Variants in TMEM248 observed in about 807,000 individuals in gnomAD.
TMEM248 encodes transmembrane protein 248, also known as UPF0458 protein C7orf42.
TMEM248 carries 9 observed loss-of-function variants against 30.3 expected under a neutral mutation model. The ratio of observed to expected loss-of-function variants is 0.30; its 90% CI spans 0.18 to 0.52. TMEM248 has a LOEUF of 0.52. Ranked by LOEUF, TMEM248 falls within the 20% of genes least tolerant of loss-of-function variation. The pLI is 0.97. For synonymous variants in TMEM248, 184 were observed against 154.4 expected (o/e 1.19, Z -1.42); for missense variants, 338 against 403.3 (o/e 0.84, Z 1.39).
At chr7:66,939,503 CTAAAATT>C (rs1791891388) in intron 1 of TMEM248, among the ~76,000 whole-genome samples, 1 of 152,162 alleles carries the variant, frequency 6.6e-6, no homozygotes, top group Non-Finnish European at 1.5e-5. Context: ...CTTTTTGTCT[CTAAAATT>C]TAAACGCTGA....
chr7:66,925,349 A>G (rs1358541343), intron 1 of TMEM248, among the ~76,000 whole-genome samples: 1 of 152,172 alleles, frequency 6.6e-6, no homozygotes, highest in Admixed American at 6.5e-5. Flanking sequence ...CACACTGTGC[A>G]ATATAACTCA....
intron 2 of TMEM248, among the ~76,000 whole-genome samples, chr7:66,944,085 G>A (rs1256088236): frequency 6.8e-6 from 1 of 147,730 alleles, no homozygotes; most frequent in Admixed American, 6.8e-5. Flanking sequence ...GTGAACTACC[G>A]TACCTGGCCT....
chr7:66,945,976 C>T (rs543321035), intron 3 of TMEM248, among the ~76,000 whole-genome samples: 2 of 151,794 alleles, frequency 1.3e-5, no homozygotes, highest in South Asian at 4.2e-4. Context: ...CCCAGCTACT[C>T]GGGTGGCTGA....
Position 66,948,620 on chromosome 7 carries a change from C to T in TMEM248, c.522C>T (p.His174=), listed in dbSNP as rs747101597. The T allele has an allele frequency of 1.2e-5, 20 of 1,614,056 alleles. No individual in the cohort carries two copies. Among genetic ancestry groups the T allele is most frequent in the South Asian group, 6.6e-5 (6 of 91,088 alleles). ...GGAGCTCAGATGACTGCGCCCTCCA[C>T]GGTCACTGTGAGCAGGTGGTATTCA... ...TAWSSDDCAL[H]GHCEQVVFTA... The change falls in exon 4 of 7, where the codon CAC becomes CAT. Residue 174 remains histidine, a synonymous_variant. Coordinates refer to ENST00000341567, the MANE Select transcript of TMEM248 (RefSeq NM_017994.5).
At chr7:66,943,216 A>T (rs1792009416) in intron 2 of TMEM248, among the ~76,000 whole-genome samples, 1 of 152,164 alleles carries the variant, frequency 6.6e-6, no homozygotes, top group Non-Finnish European at 1.5e-5. Flanking sequence ...GCTGAAAATG[A>T]ATATTCTACT....
Position 66,950,949 on chromosome 7 carries a change from C to A in TMEM248, c.597-3C>A. The stretch of plus-strand genomic sequence containing the variant: ...TGTCTTTCCTCCTCCTCTTCTCCTG[C>A]AGACAGCCACCGCACTGTGTTCCTG... On this transcript the variant is annotated splice_region_variant and splice_polypyrimidine_tract_variant and intron_variant, in intron 4 of 6. Coordinates refer to ENST00000341567, the MANE Select transcript of TMEM248 (RefSeq NM_017994.5). The A allele has an allele frequency of 6.4e-7, 1 of 1,556,084 alleles. No individual in the cohort carries two copies.
At chr7:66,954,383 ATTTT>A (rs557096964) in intron 6 of TMEM248, among the ~76,000 whole-genome samples, 1 of 125,314 alleles carries the variant, frequency 8.0e-6, no homozygotes. Flanking sequence ...TGCTTTTTTA[ATTTT>A]TTTTTTTTTT....
Position 66,957,727 on chromosome 7 carries a change from A to C in TMEM248, c.*2205A>C, listed in dbSNP as rs540965094. Reference sequence around the variant, plus strand: ...GGTTCGTTCAATCCAGCTTGTTGCTAATATTAGTTACCCTTGTTTTAATGA... The same window carrying C: ...GGTTCGTTCAATCCAGCTTGTTGCTCATATTAGTTACCCTTGTTTTAATGA... On this transcript the variant is annotated 3_prime_UTR_variant, in exon 7 of 7. Transcript: ENST00000341567. 8 of 152,326 alleles carry C rather than the reference A, an allele frequency of 5.3e-5. No homozygotes were observed. In the South Asian group the frequency reaches 1.7e-3, roughly 32 times the overall value. The allele number at this position is 152,326 out of a possible 1,614,324, so 9.4% of individuals were successfully genotyped here.
intron 1 of TMEM248, among the ~76,000 whole-genome samples, chr7:66,924,045 CTTATT>C (rs964212803): frequency 4.6e-5 from 7 of 152,348 alleles, no homozygotes; most frequent in African/African-American, 7.2e-5. Flanking sequence ...CAATGCTTAA[CTTATT>C]TTATTAAGGA....
At chr7:66,934,897 AGAC>A in intron 1 of TMEM248, among the ~76,000 whole-genome samples, 1 of 151,996 alleles carries the variant, frequency 6.6e-6, no homozygotes, top group African/African-American at 2.4e-5. Context: ...ACTTAAAAAA[AGAC>A]AAAAATTAGC....
intron 1 of TMEM248, among the ~76,000 whole-genome samples, chr7:66,935,545 G>C (rs1443752664): frequency 6.6e-6 from 1 of 151,750 alleles, no homozygotes; most frequent in Non-Finnish European, 1.5e-5. Context: ...TATGTAAATA[G>C]TTTTTATACT....
At chr7:66,927,438 CTTT>C (rs113278701) in intron 1 of TMEM248, among the ~76,000 whole-genome samples, 4 of 142,514 alleles carry the variant, frequency 2.8e-5, no homozygotes, top group African/African-American at 5.1e-5. Context: ...CTTATTTGAT[CTTT>C]TTTTTTTTTT....
intron 1 of TMEM248, among the ~76,000 whole-genome samples, chr7:66,924,901 G>C (rs1395445109): frequency 6.6e-6 from 1 of 151,626 alleles, no homozygotes; most frequent in Non-Finnish European, 1.5e-5. Context: ...AGTAGAGATG[G>C]GGTTTCGCCA....
intron 1 of TMEM248, among the ~76,000 whole-genome samples, chr7:66,938,647 A>G (rs956389227): frequency 6.6e-6 from 1 of 152,150 alleles, no homozygotes; most frequent in Non-Finnish European, 1.5e-5. Context: ...AGCTGGGACT[A>G]CAGGCACATG....
intron 1 of TMEM248, chr7:66,930,769 T>A (rs1209741037): frequency 6.6e-6 from 1 of 152,642 alleles, no homozygotes; most frequent in Non-Finnish European, 1.5e-5. Context: ...CGATGACTGT[T>A]GTTTACTAGG....
At position 66,950,286 on chromosome 7, in the gene TMEM248, A is replaced by G. The variant is rs563199675; in HGVS notation, c.597-666A>G. Among the ~76,000 whole-genome samples the G allele has an allele frequency of 6.6e-5, 10 of 152,082 alleles. No homozygotes were observed. The East Asian group carries it at 7.7e-4, about 12-fold the overall frequency. ...AATCTCGTTTTGAATTGTAGTTCCC[A>G]TAATCCTCATGTGTCATGGGAGGGA... On this transcript the variant is annotated intron_variant, in intron 4 of 6. Transcript: ENST00000341567.
At chr7:66,931,785 C>T (rs1366573326) in intron 1 of TMEM248, among the ~76,000 whole-genome samples, 1 of 140,248 alleles carries the variant, frequency 7.1e-6, no homozygotes. Flanking sequence ...ACCAGGAGGC[C>T]TTCCTCCTTT....
intron 1 of TMEM248, among the ~76,000 whole-genome samples, chr7:66,939,580 A>T (rs147600154): frequency 6.6e-6 from 1 of 152,352 alleles, no homozygotes; most frequent in African/African-American, 2.4e-5. Flanking sequence ...CGTGTTTATA[A>T]GTGCTCATTG....
At chr7:66,954,093 G>T (rs981717780) in intron 6 of TMEM248, among the ~76,000 whole-genome samples, 1 of 151,450 alleles carries the variant, frequency 6.6e-6, no homozygotes, top group Non-Finnish European at 1.5e-5. Context: ...ACAGGCATGT[G>T]CCACCACACT....
Sources: allele counts gnomAD v4.1 joint callset (sites outside exome capture counted in the v4.1 genomes callset), GRCh38; gene constraint gnomAD v4.1.1; transcripts MANE v1.5; gene names NCBI Gene and HGNC (gene_info 2026-07-23, HGNC 2026-07-21).